CLIP1: variants seen among roughly 807,000 people sequenced by gnomAD.
CLIP1 encodes the protein CAP-Gly domain containing linker protein 1.
CLIP1 carries 66 observed loss-of-function variants against 161.6 expected under a neutral mutation model. That is an observed-to-expected ratio of 0.41 (90% confidence interval 0.33 to 0.50). The LOEUF (loss-of-function observed/expected upper bound fraction) is 0.50, where lower values mean the gene tolerates loss of function less well. CLIP1 is among the 20% of genes least tolerant of loss of function. The pLI is 0.27. For synonymous variants in CLIP1, 598 were observed against 626.2 expected (o/e 0.96, Z 0.67); for missense variants, 1,376 against 1,702.0 (o/e 0.81, Z 3.37).
intron 20 of CLIP1, among the ~76,000 whole-genome samples, chr12:122,307,197 T>TG (rs1375318538): frequency 1.3e-5 from 2 of 151,618 alleles, no homozygotes; most frequent in African/African-American, 4.8e-5. Flanking sequence ...TTAGTAGAGA[T>TG]GGGGTTTCAC....
intron 19 of CLIP1, among the ~76,000 whole-genome samples, chr12:122,310,614 AAAT>A (rs1342876097): frequency 6.6e-6 from 1 of 152,234 alleles, no homozygotes; most frequent in East Asian, 1.9e-4. Context: ...CTTGTTCTTA[AAAT>A]AATCCAAAAC....
At chr12:122,420,805 G>A (rs529018175) in intron 1 of CLIP1, among the ~76,000 whole-genome samples, 27 of 151,694 alleles carry the variant, frequency 1.8e-4, no homozygotes, top group Non-Finnish European at 3.5e-4. Flanking sequence ...GCGTGGTGGC[G>A]GGCACCTGTA....
intron 9 of CLIP1, among the ~76,000 whole-genome samples, chr12:122,350,595 C>A (rs1952984534): frequency 6.6e-6 from 1 of 152,020 alleles, no homozygotes; most frequent in Non-Finnish European, 1.5e-5. Context: ...CACTGGCAGG[C>A]ACTGGCCAGT....
intron 24 of CLIP1, chr12:122,274,541 G>GC (rs1955316339): frequency 6.9e-6 from 1 of 144,738 alleles, no homozygotes; most frequent in African/African-American, 2.6e-5. Context: ...GTTTTGTTTT[G>GC]TTTTTTTTTT....
rs1295479667 is a variant in CLIP1, at chr12:122,355,982, T to C, written c.1006-670A>G. 1 of 152,252 alleles carries C rather than the reference T, an allele frequency of 6.6e-6. No homozygotes were observed. Among genetic ancestry groups the C allele is most frequent in the East Asian group, 1.9e-4 (1 of 5,194 alleles). 9.4% of individuals were successfully genotyped at this position (152,252 alleles called of 1,614,324 possible). ...TGTCGCCTGAAAGCTCTTCTCTTCA[T>C]CGGTTTCCCTAGGCCCTTACTGCAA... On this transcript the variant is annotated intron_variant, in intron 5 of 25. Coordinates refer to ENST00000620786, the MANE Select transcript of CLIP1 (RefSeq NM_001247997.2). The surrounding 1 kb of genome is among the most constrained non-coding windows in gnomAD (Gnocchi z 4.1).
chr12:122,348,171 T>C (rs572468962), intron 9 of CLIP1, among the ~76,000 whole-genome samples: 77 of 152,208 alleles, frequency 5.1e-4, no homozygotes, highest in African/African-American at 1.8e-3. Context: ...CTACATGTGA[T>C]GGGGAAGAGG....
At chr12:122,389,302 A>G (rs10161488) in intron 1 of CLIP1, among the ~76,000 whole-genome samples, 93,216 of 151,978 alleles carry the variant, frequency 0.61, 28,992 homozygotes, top group Non-Finnish European at 0.64. Context: ...TTTACCCAGC[A>G]CTTTATAAAC....
intron 1 of CLIP1, among the ~76,000 whole-genome samples, chr12:122,402,807 CA>C (rs1956188241): frequency 6.6e-6 from 1 of 152,144 alleles, no homozygotes; most frequent in Admixed American, 6.6e-5. Flanking sequence ...TCTCAAAAAA[CA>C]AATATCACCT....
At chr12:122,303,162 C>T (rs1950752401) in intron 20 of CLIP1, among the ~76,000 whole-genome samples, 1 of 152,148 alleles carries the variant, frequency 6.6e-6, no homozygotes, top group African/African-American at 2.4e-5. Flanking sequence ...AAACTTGTGT[C>T]ATTTTATCAT....
chr12:122,304,877 T>C (rs1042493491), intron 20 of CLIP1, among the ~76,000 whole-genome samples: 9 of 152,314 alleles, frequency 5.9e-5, no homozygotes, highest in South Asian at 2.1e-4. Flanking sequence ...TCCAAACTAA[T>C]ACACAATAAG....
At chr12:122,287,329 T>C (rs1031204824) in intron 21 of CLIP1, among the ~76,000 whole-genome samples, 2 of 152,242 alleles carry the variant, frequency 1.3e-5, no homozygotes, top group African/African-American at 4.8e-5. Flanking sequence ...GAGACAGTGC[T>C]GCGTAAAACA....
intron 15 of CLIP1, 22 bp from the exon 16 acceptor site, chr12:122,328,448 G>C: frequency 1.4e-6 from 2 of 1,443,890 alleles, no homozygotes; most frequent in Middle Eastern, 1.8e-4. Flanking sequence ...TTCAATATAA[G>C]GTGTCAGATT....
chr12:122,287,574 G>A (rs988897731), intron 21 of CLIP1, among the ~76,000 whole-genome samples: 5 of 152,162 alleles, frequency 3.3e-5, no homozygotes, highest in African/African-American at 7.2e-5. Context: ...TGCTTGGACC[G>A]TGTAGCACAG....
At chr12:122,411,207 G>A (rs1161520365) in intron 1 of CLIP1, among the ~76,000 whole-genome samples, 1 of 152,178 alleles carries the variant, frequency 6.6e-6, no homozygotes, top group East Asian at 1.9e-4. Context: ...CCTGAGGTCA[G>A]GAGTTTGAGA....
At chr12:122,391,527 A>G (rs1357200680) in intron 1 of CLIP1, among the ~76,000 whole-genome samples, 3 of 152,226 alleles carry the variant, frequency 2.0e-5, no homozygotes, top group Non-Finnish European at 4.4e-5. Context: ...CGGAGGGTGC[A>G]GTGAGCTGAG....
At chr12:122,405,950 C>T (rs1188181310) in intron 1 of CLIP1, among the ~76,000 whole-genome samples, 1 of 151,926 alleles carries the variant, frequency 6.6e-6, no homozygotes, top group Non-Finnish European at 1.5e-5. Context: ...TCCGGTAATC[C>T]CAGCTACTCA....
At chr12:122,304,052 C>T (rs945647344) in intron 20 of CLIP1, among the ~76,000 whole-genome samples, 3 of 152,224 alleles carry the variant, frequency 2.0e-5, no homozygotes, top group African/African-American at 7.2e-5. Context: ...CCACAGTGCC[C>T]TGTGCCTGTC....
At chr12:122,396,116 A>AAC (rs1157498306) in intron 1 of CLIP1, 1 of 152,168 alleles carries the variant, frequency 6.6e-6, no homozygotes, top group East Asian at 1.9e-4. Flanking sequence ...AAAAAAAAAA[A>AAC]AAGAAAAAGG....
chr12:122,387,031 C>G (rs1955305327), intron 1 of CLIP1, among the ~76,000 whole-genome samples: 1 of 152,136 alleles, frequency 6.6e-6, no homozygotes, highest in African/African-American at 2.4e-5. Context: ...TCTAGTACTA[C>G]AGGTACATGC....
Sources: gnomAD v4.1 joint callset for allele counts (sites outside exome capture counted in the v4.1 genomes callset) on GRCh38, gnomAD v4.1.1 for gene constraint, Gnocchi (gnomAD v3.1) non-coding constraint, MANE v1.5 for transcripts, NCBI Gene and HGNC (gene_info 2026-07-23, HGNC 2026-07-21) for gene names.